Variants in LNPEP observed in about 807,000 individuals in gnomAD.
LNPEP encodes the protein leucyl-cystinyl aminopeptidase.
LNPEP carries 64 observed loss-of-function variants against 120.6 expected under a neutral mutation model. That is an observed-to-expected ratio of 0.53 (90% CI 0.43 to 0.65). The LOEUF is 0.65. Among genes scored for constraint, LNPEP ranks in the 30% least tolerant of loss-of-function variants. The pLI is 0.00. For missense variants in LNPEP, 1,057 were observed against 1,200.0 expected, an observed-to-expected ratio of 0.88 and a Z score of 1.76; for synonymous variants, 435 against 425.4, an observed-to-expected ratio of 1.02 and a Z score of -0.28.
chr5:97,001,163 A>C (rs1391463563), intron 8 of LNPEP, among the ~76,000 whole-genome samples: 1 of 152,236 alleles, frequency 6.6e-6, no homozygotes, highest in Non-Finnish European at 1.5e-5. Context: ...AGGACTAGTT[A>C]GGAAGTTATT....
intron 1 of LNPEP, among the ~76,000 whole-genome samples, chr5:96,951,285 G>C (rs537515938): frequency 6.6e-6 from 1 of 151,724 alleles, no homozygotes; most frequent in African/African-American, 2.4e-5. Context: ...GGGGGACAGA[G>C]TCTTGCTCTG....
intron 4 of LNPEP, among the ~76,000 whole-genome samples, chr5:96,991,458 G>A (rs781345016): frequency 2.0e-5 from 3 of 152,086 alleles, no homozygotes; most frequent in South Asian, 2.1e-4. Context: ...CCACATCTAC[G>A]CTAACATCTA....
At position 97,006,061 on chromosome 5, in the gene LNPEP, TA is replaced by T; in HGVS notation, c.1786-11del. The T allele has an allele frequency of 1.5e-5, 16 of 1,094,756 alleles. No individual in the cohort carries two copies. The highest frequency in any genetic ancestry group is 2.0e-5 in the Non-Finnish European group (16 of 818,960). The allele number at this position is 1,094,756 out of a possible 1,614,324, so 67.8% of individuals were successfully genotyped here. ...GGAAAAAGTTTTATATATATATATA[TA>T]TATTTTGTAGGTCACAAACCAAACA... On this transcript the variant is annotated splice_polypyrimidine_tract_variant and intron_variant, in intron 9 of 17. Transcript: ENST00000231368.
At chr5:97,018,936 C>T (rs1582032146) in intron 13 of LNPEP, among the ~76,000 whole-genome samples, 1 of 152,142 alleles carries the variant, frequency 6.6e-6, no homozygotes, top group Admixed American at 6.5e-5. Context: ...TAGCCATATT[C>T]CTGTTTTATC....
chr5:96,979,230 C>A lies in LNPEP; in HGVS notation c.112C>A (p.Pro38Thr). 2 of 1,613,846 alleles carry A rather than the reference C, an allele frequency of 1.2e-6. No homozygotes were observed. The highest frequency in any genetic ancestry group is 1.7e-6 in the Non-Finnish European group (2 of 1,179,870). ...VDLAKEPCLH[P>T]LEPDEVEYEP... Reference sequence around the variant, plus strand: ...TTTAGCCAAAGAGCCTTGTTTACATCCTCTAGAGCCTGATGAGGTGGAATA... The same window carrying A: ...TTTAGCCAAAGAGCCTTGTTTACATACTCTAGAGCCTGATGAGGTGGAATA... The change falls in exon 2 of 18, where the codon CCT becomes ACT. Residue 38 changes from proline (P) to threonine (T), a missense_variant. Physicochemically the swap from Pro to Thr is conservative, Grantham distance 38 (BLOSUM62 -1). Transcript: ENST00000231368.
intron 14 of LNPEP, 59 bp downstream of exon 14, chr5:97,022,543 C>G (rs1476391078): frequency 4.5e-6 from 6 of 1,333,070 alleles, no homozygotes; most frequent in African/African-American, 1.4e-5. Context: ...ACATCATATA[C>G]AGTATCCAGG....
Position 97,033,134 on chromosome 5 carries a change from A to AT in LNPEP, c.*4603dup, listed in dbSNP as rs1008603803. The AT allele has an allele frequency of 6.6e-6, 1 of 152,088 alleles. No individual in the cohort carries two copies. The highest frequency in any genetic ancestry group is 6.6e-5 in the Admixed American group (1 of 15,262). The allele number at this position is 152,088 out of a possible 1,614,324, so 9.4% of individuals were successfully genotyped here. On this transcript the variant is annotated 3_prime_UTR_variant, in exon 18 of 18. Transcript: ENST00000231368. ...ATAAATAAACTTGCTACTACATTGT[A>AT]TTACTAATTTGGTTCACACTGTGTC...
rs754973623 is a variant in LNPEP at position 97,006,456 on chromosome 5, T to C, written c.1976T>C (p.Val659Ala). Residue 659 changes from valine (V) to alanine (A), a missense_variant, in exon 11 of 18, where the codon GTC (valine) becomes GCC (alanine). Transcript: ENST00000231368. ...SYLWHIPLSYVTEGRNYSKYQ... is the reference protein window; with the variant it reads ...SYLWHIPLSYATEGRNYSKYQ... ...CTGTGGCATATTCCACTATCCTATG[T>C]CACTGAAGGAAGAAATTATTCAAAA... The C allele has an allele frequency of 3.8e-6, 6 of 1,584,432 alleles. No individual in the cohort carries two copies. In the Admixed American group the frequency reaches 8.4e-5, roughly 22 times the overall value.
chr5:97,021,938 T>G (rs1791210946), intron 13 of LNPEP, among the ~76,000 whole-genome samples: 6 of 139,870 alleles, frequency 4.3e-5, no homozygotes, highest in Admixed American at 1.4e-4. Flanking sequence ...TTTTTTTTTT[T>G]TTTTTTTTTT....
intron 6 of LNPEP, chr5:96,996,014 A>G (rs1790507362): frequency 6.2e-6 from 1 of 161,048 alleles, no homozygotes; most frequent in Non-Finnish European, 1.3e-5. Context: ...TACTAACTTG[A>G]TATTAGAAGG....
In LNPEP at chr5:97,002,606, T is replaced by C. The variant is rs371936226; in HGVS notation, c.1654-809T>C. Among the ~76,000 whole-genome samples the C allele has an allele frequency of 4.6e-5, 7 of 152,238 alleles. No individual in the cohort carries two copies. In the East Asian group the frequency reaches 9.6e-4, roughly 21 times the overall value. The stretch of plus-strand genomic sequence containing the variant: ...TTCATTCAAAAACTACTAGAGTGCC[T>C]ACTATGTAGTGGGCATTGTTTTTGT... On this transcript the variant is annotated intron_variant, in intron 8 of 17. Coordinates refer to ENST00000231368, the MANE Select transcript of LNPEP (RefSeq NM_005575.3).
At chr5:97,005,262 A>G (rs1226037584) in intron 9 of LNPEP, among the ~76,000 whole-genome samples, 2 of 152,288 alleles carry the variant, frequency 1.3e-5, no homozygotes, top group African/African-American at 2.4e-5. Flanking sequence ...GTTGCTTACA[A>G]TTCAAATTCA....
intron 1 of LNPEP, among the ~76,000 whole-genome samples, chr5:96,949,334 G>A (rs1789268296): frequency 6.6e-6 from 1 of 152,228 alleles, no homozygotes; most frequent in South Asian, 2.1e-4. Flanking sequence ...GATCAGGGTG[G>A]TATTAGAGTC....
chr5:96,944,560 CTTTTTTTTTTTTTTTTT>C (rs60017687), intron 1 of LNPEP, among the ~76,000 whole-genome samples: 1 of 56,374 alleles, frequency 1.8e-5, no homozygotes, highest in Non-Finnish European at 3.3e-5. Flanking sequence ...CTTATTTTTG[CTTTTTTTTTTTTTTTTT>C]TTTTTTTTTG....
intron 4 of LNPEP, among the ~76,000 whole-genome samples, chr5:96,987,074 C>CT (rs1230174950): frequency 6.6e-6 from 1 of 152,118 alleles, no homozygotes. Context: ...TGACTAGTGG[C>CT]TACATATTCG....
rs183849439 is a variant in LNPEP, at chr5:96,955,695, C to T, written c.19+19521C>T. 3.9e-5 allele frequency among the ~76,000 whole-genome samples: 6 copies of T among 152,314 alleles called. No homozygotes were observed. The East Asian group carries it at 1.2e-3, about 29-fold the overall frequency. The stretch of plus-strand genomic sequence containing the variant: ...CCATAATTGTTTATTCACTAATTCA[C>T]CAATTGATGGACATTTGTTTTCAGC... On this transcript the variant is annotated intron_variant, in intron 1 of 17. Transcript: ENST00000231368.
At chr5:96,969,826 AC>A (rs1293440208) in intron 1 of LNPEP, among the ~76,000 whole-genome samples, 1 of 149,176 alleles carries the variant, frequency 6.7e-6, no homozygotes, top group Non-Finnish European at 1.5e-5. Flanking sequence ...TTATTTTTAA[AC>A]CTTTTCCCAA....
chr5:96,940,672 A>G (rs987698891), intron 1 of LNPEP, among the ~76,000 whole-genome samples: 3 of 152,248 alleles, frequency 2.0e-5, no homozygotes, highest in African/African-American at 7.2e-5. Context: ...TCCTATTAGG[A>G]AACAGCAGTA....
intron 8 of LNPEP, among the ~76,000 whole-genome samples, chr5:96,998,797 T>C (rs1351305788): frequency 1.3e-5 from 2 of 152,166 alleles, no homozygotes; most frequent in East Asian, 3.8e-4. Context: ...TTGGTACTTG[T>C]GGAGCAATAA....
Sources: allele counts gnomAD v4.1 joint callset (sites outside exome capture counted in the v4.1 genomes callset), GRCh38; gene constraint gnomAD v4.1.1; transcripts MANE v1.5; gene names NCBI Gene and HGNC (gene_info 2026-07-23, HGNC 2026-07-21).